FLT1: variants seen among roughly 807,000 people sequenced by gnomAD.
FLT1 encodes the protein vascular endothelial growth factor receptor 1.
In FLT1, 49 loss-of-function variants were observed where a neutral mutation model predicts 156.3. The ratio of observed to expected loss-of-function variants is 0.31; its 90% CI spans 0.25 to 0.40. FLT1 has a LOEUF of 0.40. Ranked by LOEUF, FLT1 falls within the 10% of genes least tolerant of loss-of-function variation. The pLI, the probability that FLT1 is intolerant of heterozygous loss-of-function variation, is 1.00. For missense variants in FLT1, 1,322 were observed against 1,637.2 expected (o/e 0.81, Z 3.32); for synonymous variants, 594 against 583.8 (o/e 1.02, Z -0.25).
At position 28,494,781 on chromosome 13, in the gene FLT1, T is replaced by C; in HGVS notation, c.63A>G (p.Thr21=). 6.4e-7 allele frequency: 1 copy of C among 1,567,172 alleles called. No individual in the cohort carries two copies. The highest frequency in any genetic ancestry group is 8.6e-7 in the Non-Finnish European group (1 of 1,161,528). The change falls in exon 1 of 30, where the codon ACA becomes ACG. Residue 21 remains threonine (T), a splice_region_variant and synonymous_variant. Coordinates refer to ENST00000282397, the MANE Select transcript of FLT1 (RefSeq NM_002019.4). The stretch of plus-strand genomic sequence containing the variant: ...CCCCGGCCCCCAGCCGCGCCTCACC[T>C]GTGAGAAGCAGACAGCTGAGCAGCG... ...LCALLSCLLL[T]GSSSGSKLKD...
chr13:28,399,894 G>A (rs1282165924), intron 11 of FLT1, among the ~76,000 whole-genome samples: 1 of 152,228 alleles, frequency 6.6e-6, no homozygotes, highest in Non-Finnish European at 1.5e-5. Context: ...CAGGCAGCAT[G>A]CAAGGCACTT....
chr13:28,356,267 G>A (rs1872896465), intron 15 of FLT1, among the ~76,000 whole-genome samples: 1 of 152,174 alleles, frequency 6.6e-6, no homozygotes, highest in Non-Finnish European at 1.5e-5. Flanking sequence ...GATTAGTGAG[G>A]TCTCCTTGCT....
intron 14 of FLT1, among the ~76,000 whole-genome samples, chr13:28,379,541 C>T (rs1873987150): frequency 6.6e-6 from 1 of 152,090 alleles, no homozygotes; most frequent in African/African-American, 2.4e-5. Context: ...GCAATCGAAG[C>T]CCTGAGAAGC....
chr13:28,304,038 T>G (rs1210697700), intron 29 of FLT1, among the ~76,000 whole-genome samples: 2 of 152,194 alleles, frequency 1.3e-5, no homozygotes, highest in Non-Finnish European at 2.9e-5. Flanking sequence ...GCTCTTGCCC[T>G]TTAATATTCG....
chr13:28,334,408 C>T (rs1162733522), intron 17 of FLT1, among the ~76,000 whole-genome samples: 3 of 152,268 alleles, frequency 2.0e-5, no homozygotes, highest in East Asian at 3.9e-4. Context: ...AGCGTTCTCC[C>T]GTAGGAGAGA....
rs1874263042 is a variant in FLT1 at position 28,384,888 on chromosome 13, G to C, written c.2113C>G (p.Pro705Ala). The C allele has an allele frequency of 1.9e-6, 3 of 1,613,830 alleles. No homozygotes were observed. The highest frequency in any genetic ancestry group is 1.7e-6 in the Non-Finnish European group (2 of 1,179,864). Residue 705 changes from proline (P) to alanine (A), a missense_variant, in exon 14 of 30, where the codon CCT becomes GCT. Transcript: ENST00000282397. Reference sequence around the variant, plus strand: ...GGAAGAAAAAAAAGTCTCTTACCAGGCTCTTGTTGTATTTTGTGGTTGTTT... The same window carrying C: ...GGAAGAAAAAAAAGTCTCTTACCAGCCTCTTGTTGTATTTTGTGGTTGTTT... ...FKNNHKIQQE[P>A]GIILGPGSST...
At chr13:28,424,999 CTG>C (rs1877258356) in intron 10 of FLT1, among the ~76,000 whole-genome samples, 1 of 152,282 alleles carries the variant, frequency 6.6e-6, no homozygotes, top group South Asian at 2.1e-4. Context: ...CTTCATCTCT[CTG>C]AGAGGGTGAA....
At chr13:28,494,693 G>A (rs1053252023) in intron 1 of FLT1, 87 bp downstream of exon 1, 8 of 1,040,620 alleles carry the variant, frequency 7.7e-6, no homozygotes, top group Middle Eastern at 2.5e-4. Context: ...GTCTCCCCGC[G>A]TGCACCCCGC....
intron 3 of FLT1, among the ~76,000 whole-genome samples, chr13:28,453,980 T>C (rs1437685460): frequency 6.6e-6 from 1 of 151,956 alleles, no homozygotes; most frequent in African/African-American, 2.4e-5. Flanking sequence ...AGGGGGGATA[T>C]TTAACTTGAG....
chr13:28,370,382 G>C (rs1184279541), intron 14 of FLT1, among the ~76,000 whole-genome samples: 1 of 151,904 alleles, frequency 6.6e-6, no homozygotes, highest in South Asian at 2.1e-4. Context: ...CGAGTTAATG[G>C]GTGCAGCACA....
chr13:28,358,497 G>C (rs78093212), intron 14 of FLT1, among the ~76,000 whole-genome samples: 3,453 of 152,292 alleles, frequency 0.023, 138 homozygotes, highest in African/African-American at 0.078. Flanking sequence ...TTACTACAGA[G>C]CACAGTGTAG....
At chr13:28,319,640 A>T in intron 23 of FLT1, 106 bp from the exon 24 acceptor site, 1 of 714,960 alleles carries the variant, frequency 1.4e-6, no homozygotes, top group Non-Finnish European at 2.6e-6. Context: ...CCTATAAATC[A>T]TTTCCGAGAG....
intron 11 of FLT1, among the ~76,000 whole-genome samples, chr13:28,403,984 G>A (rs190007265): frequency 1.3e-4 from 19 of 151,432 alleles, no homozygotes; most frequent in South Asian, 2.1e-4. Flanking sequence ...AGACGTTGCC[G>A]TGAGCTGAGA....
intron 3 of FLT1, 145 bp downstream of exon 3, chr13:28,466,758 A>C (rs1187304328): frequency 5.6e-6 from 4 of 713,624 alleles, no homozygotes; most frequent in Non-Finnish European, 1.0e-5. Context: ...ACATCCACGA[A>C]AGTGTCTACA....
intron 3 of FLT1, among the ~76,000 whole-genome samples, chr13:28,458,446 G>C (rs1017860485): frequency 2.6e-5 from 4 of 152,210 alleles, no homozygotes; most frequent in Non-Finnish European, 5.9e-5. Flanking sequence ...GGATTTTAGA[G>C]AGCCCCAGAA....
intron 11 of FLT1, among the ~76,000 whole-genome samples, chr13:28,401,134 G>C (rs572023807): frequency 6.6e-6 from 1 of 152,166 alleles, no homozygotes; most frequent in Non-Finnish European, 1.5e-5. Flanking sequence ...GTTGAGGCAG[G>C]AGAATCGCTT....
chr13:28,374,632 C>T (rs527798906), intron 14 of FLT1, among the ~76,000 whole-genome samples: 165 of 151,886 alleles, frequency 1.1e-3, no homozygotes, highest in Non-Finnish European at 2.0e-3. Context: ...CTGCCTCAGC[C>T]TCCCGAGTAG....
chr13:28,387,150 G>A (rs1193534534), intron 13 of FLT1: 14 of 1,035,438 alleles, frequency 1.4e-5, no homozygotes, highest in Non-Finnish European at 1.6e-5. Flanking sequence ...AACTTCAGAT[G>A]ATAGAAGCAG....
At chr13:28,316,382 C>T (rs1333777159) in intron 25 of FLT1, among the ~76,000 whole-genome samples, 1 of 152,252 alleles carries the variant, frequency 6.6e-6, no homozygotes, top group Non-Finnish European at 1.5e-5. Flanking sequence ...AATGGGAGGG[C>T]CCCTGCCAGT....
Sources: allele counts gnomAD v4.1 joint callset (sites outside exome capture counted in the v4.1 genomes callset), GRCh38; gene constraint gnomAD v4.1.1; transcripts MANE v1.5; gene names NCBI Gene and HGNC (gene_info 2026-07-23, HGNC 2026-07-21).